The following SATL1 variants were observed in gnomAD, a reference collection of about 807,000 sequenced individuals.
SATL1 encodes spermidine/spermine N(1)-acetyltransferase-like protein 1.
Under a neutral mutation model 51.8 loss-of-function variants are expected in SATL1, and 47 were observed. The ratio of observed to expected loss-of-function variants is 0.91; its 90% CI spans 0.72 to 1.16. The LOEUF is 1.16. Ranked by LOEUF, SATL1 falls within the 50% of genes most tolerant of loss-of-function variation. The pLI, the probability that SATL1 is intolerant of heterozygous loss-of-function variation, is 0.00. For missense variants in SATL1, 520 were observed against 526.4 expected (o/e 0.99, Z 0.12); for synonymous variants, 176 against 182.4 (o/e 0.97, Z 0.28).
intron 3 of SATL1, 82 bp from the exon 4 acceptor site, chrX:85,103,997 C>T: frequency 1.4e-6 from 1 of 707,563 alleles, no homozygotes; most frequent in Non-Finnish European, 2.2e-6. Context: ...TTGTATTAAA[C>T]ATTTATTGAC....
intron 2 of SATL1, among the ~76,000 whole-genome samples, chrX:85,130,401 C>T (rs1252209089): frequency 9.0e-6 from 1 of 111,576 alleles, no homozygotes; most frequent in Non-Finnish European, 1.9e-5. Context: ...AGGAATTTAT[C>T]CATTTCTTCT....
intron 2 of SATL1, among the ~76,000 whole-genome samples, chrX:85,151,359 A>C (rs1926432327): frequency 9.0e-6 from 1 of 111,722 alleles, no homozygotes; most frequent in East Asian, 2.8e-4. Context: ...CATGGGTAGG[A>C]AGAATCAATA....
chrX:85,178,098 T>G (rs1303917727), intron 2 of SATL1, among the ~76,000 whole-genome samples: 1 of 111,535 alleles, frequency 9.0e-6, no homozygotes, highest in Non-Finnish European at 1.9e-5. Flanking sequence ...CAAAGGAGGT[T>G]TTTTGGCCAT....
At chrX:85,191,729 A>G (rs1927444142) in intron 2 of SATL1, among the ~76,000 whole-genome samples, 1 of 111,884 alleles carries the variant, frequency 8.9e-6, no homozygotes, top group Non-Finnish European at 1.9e-5. Context: ...CATTAAGTGG[A>G]AATGGATCAT....
intron 1 of SATL1, among the ~76,000 whole-genome samples, chrX:85,225,363 G>A (rs763409292): frequency 8.9e-6 from 1 of 112,285 alleles, no homozygotes; most frequent in Admixed American, 9.4e-5. Flanking sequence ...TTCCATTGGG[G>A]GAAACCGGGT....
chrX:85,243,179 A>C (rs1373428567), intron 1 of SATL1, among the ~76,000 whole-genome samples: 4 of 112,727 alleles, frequency 3.5e-5, no homozygotes, highest in Admixed American at 2.8e-4. Flanking sequence ...GCAAAGATAA[A>C]GAGTTACTTT....
chrX:85,173,852 C>T (rs768642276), intron 2 of SATL1, among the ~76,000 whole-genome samples: 39 of 108,704 alleles, frequency 3.6e-4, no homozygotes, highest in South Asian at 8.3e-4. Flanking sequence ...ATACATGTGC[C>T]ATGTTGGTTT....
intron 2 of SATL1, among the ~76,000 whole-genome samples, chrX:85,214,904 A>C (rs1928008925): frequency 1.8e-5 from 2 of 111,713 alleles, no homozygotes; most frequent in South Asian, 7.4e-4. Context: ...GACCTCAAGA[A>C]GCTCCACTCC....
At chrX:85,164,784 G>T (rs1926795541) in intron 2 of SATL1, among the ~76,000 whole-genome samples, 2 of 106,662 alleles carry the variant, frequency 1.9e-5, no homozygotes, top group African/African-American at 3.4e-5. Context: ...GAGTTCAATG[G>T]TGCGATTTCA....
chrX:85,108,698 G>A lies in SATL1; in HGVS notation c.271C>T (p.Gln91Ter). The A allele has an allele frequency of 4.2e-6, 5 of 1,202,527 alleles. No individual in the cohort carries two copies. In the South Asian group the frequency reaches 5.4e-5, roughly 13 times the overall value. Residue 91 changes from glutamine (Q) to a stop codon, truncating the protein, a stop_gained, in exon 3 of 8, where the codon CAA (glutamine) becomes TAA (stop). Coordinates refer to ENST00000644105, the MANE Select transcript of SATL1 (RefSeq NM_001367857.2). LOFTEE classifies it high-confidence loss of function. ...AGGACTAGTTGGCTCAGTTCTTGTT[G>A]CAGCATGCCTGGTTGGCTCCTACCT... ...QLGRSQPGMLQQELSQLVLSK... is the reference protein window; with the variant it reads ...QLGRSQPGML
At chrX:85,219,509 T>TTA (rs1928126434) in intron 2 of SATL1, 1 of 112,096 alleles carries the variant, frequency 8.9e-6, no homozygotes, top group Non-Finnish European at 1.9e-5. Flanking sequence ...ACATGCATCT[T>TTA]TATAAAGTGC....
At chrX:85,222,304 G>C (rs909426264) in intron 2 of SATL1, among the ~76,000 whole-genome samples, 1 of 111,596 alleles carries the variant, frequency 9.0e-6, no homozygotes, top group Non-Finnish European at 1.9e-5. Flanking sequence ...AAACACTTGA[G>C]ACAGTGCCCA....
chrX:85,107,904 G>A lies in SATL1; in HGVS notation c.1065C>T (p.Ala355=), dbSNP rs755125066. The A allele has an allele frequency of 7.4e-6, 9 of 1,208,709 alleles. No individual in the cohort carries two copies. The East Asian group carries it at 2.7e-4, about 36-fold the overall frequency. ...SISQPGPPQR[A]PSQSGPRQSS... is the part of the protein sequence containing the mutation. ...ATTGTCTGGGGCCTGATTGGCTTGG[G>A]GCTCGTTGCGGTGGACCTGGTTGGC... is the stretch of plus-strand genomic sequence containing the variant. Residue 355 remains alanine (A), a synonymous_variant, in exon 3 of 8, where the codon GCC becomes GCT. Coordinates refer to ENST00000644105, the MANE Select transcript of SATL1 (RefSeq NM_001367857.2).
intron 1 of SATL1, among the ~76,000 whole-genome samples, chrX:85,239,493 T>C (rs73511699): frequency 0.05 from 5,592 of 111,701 alleles, 373 homozygotes; most frequent in African/African-American, 0.17. Context: ...CCAGCAGAAA[T>C]TTGTATATAG....
intron 2 of SATL1, among the ~76,000 whole-genome samples, chrX:85,168,584 C>T (rs185193916): frequency 9.0e-6 from 1 of 111,305 alleles, no homozygotes; most frequent in Admixed American, 9.6e-5. Flanking sequence ...AAGATTTCTA[C>T]AATGAGAACT....
At chrX:85,122,576 G>A (rs1186577571) in intron 2 of SATL1, among the ~76,000 whole-genome samples, 5 of 110,909 alleles carry the variant, frequency 4.5e-5, no homozygotes, top group Non-Finnish European at 9.5e-5. Flanking sequence ...CTGGCATATT[G>A]TAAGCACTCG....
intron 1 of SATL1, among the ~76,000 whole-genome samples, chrX:85,228,949 C>G (rs2147764707): frequency 9.0e-6 from 1 of 111,706 alleles, no homozygotes; most frequent in Admixed American, 9.5e-5. Context: ...AGATCCACAG[C>G]TGAACTCACT....
At chrX:85,184,526 T>G (rs1927272528) in intron 2 of SATL1, among the ~76,000 whole-genome samples, 1 of 111,917 alleles carries the variant, frequency 8.9e-6, no homozygotes, top group Non-Finnish European at 1.9e-5. Flanking sequence ...CTATTCATTT[T>G]TTATCTCCTC....
At chrX:85,189,642 T>C (rs953483524) in intron 2 of SATL1, among the ~76,000 whole-genome samples, 2 of 112,132 alleles carry the variant, frequency 1.8e-5, no homozygotes, top group Non-Finnish European at 3.8e-5. Context: ...GAATAATATA[T>C]GGAGTTTTCA....
Sources: allele counts gnomAD v4.1 joint callset (sites outside exome capture counted in the v4.1 genomes callset), GRCh38; gene constraint gnomAD v4.1.1; transcripts MANE v1.5; gene names NCBI Gene and HGNC (gene_info 2026-07-23, HGNC 2026-07-21).